PSMD13: variants seen among roughly 807,000 people sequenced by gnomAD.
PSMD13 encodes the protein 26S proteasome non-ATPase regulatory subunit 13.
PSMD13 carries 8 observed loss-of-function variants against 57.4 expected under a neutral mutation model. The ratio of observed to expected loss-of-function variants is 0.14; its 90% CI spans 0.08 to 0.25. The LOEUF (loss-of-function observed/expected upper bound fraction) is 0.25, where lower values mean the gene tolerates loss of function less well. Ranked by LOEUF, PSMD13 falls within the 10% of genes least tolerant of loss-of-function variation. The probability of loss-of-function intolerance (pLI) is 1.00; values close to 1 mark genes in which losing one functional copy is unlikely to be tolerated. For missense variants in PSMD13, 400 were observed against 461.5 expected (o/e 0.87, Z 1.22); for synonymous variants, 193 against 168.2 (o/e 1.15, Z -1.14).
Position 246,160 on chromosome 11 carries a change from C to T in PSMD13, c.397-1117C>T, listed in dbSNP as rs151020159. ...TAACCAATGTGCTGTTACTCCTATACGGTATTTCATTGTATAAGTGTTTCA... is the reference window on the plus strand; with the variant it reads ...TAACCAATGTGCTGTTACTCCTATATGGTATTTCATTGTATAAGTGTTTCA... On this transcript the variant is annotated intron_variant, in intron 6 of 12. Coordinates refer to ENST00000532097, the MANE Select transcript of PSMD13 (RefSeq NM_002817.4). Among the ~76,000 whole-genome samples the T allele has an allele frequency of 1.7e-4, 26 of 152,260 alleles. No individual in the cohort carries two copies. The East Asian group carries it at 4.2e-3, about 25-fold the overall frequency.
intron 2 of PSMD13, among the ~76,000 whole-genome samples, chr11:240,491 T>C (rs1859491398): frequency 6.6e-6 from 1 of 152,220 alleles, no homozygotes; most frequent in Non-Finnish European, 1.5e-5. Context: ...CTCTGTCCTT[T>C]GGTTTCTTAT....
At chr11:248,889 G>A (rs564082218) in intron 8 of PSMD13, 34 bp downstream of exon 8, 9 of 1,614,180 alleles carry the variant, frequency 5.6e-6, no homozygotes, top group African/African-American at 5.3e-5. Context: ...TCCTTAACGA[G>A]AGAGACTAAA....
Position 237,041 on chromosome 11 carries a change from C to G in PSMD13, c.-9C>G, listed in dbSNP as rs759634826. The G allele has an allele frequency of 1.2e-6, 2 of 1,610,542 alleles. No homozygotes were observed. The highest frequency in any genetic ancestry group is 2.2e-5 in the South Asian group (2 of 90,948). On this transcript the variant is annotated 5_prime_UTR_variant, in exon 1 of 13. Coordinates refer to ENST00000532097, the MANE Select transcript of PSMD13 (RefSeq NM_002817.4). ...GTTGTTCTTCTGTGCCGGGGGTCTT[C>G]CTGCTGTCATGAAGGACGTACCGGG...
At position 237,001 on chromosome 11, in the gene PSMD13, G is replaced by A. The variant is rs763747389; in HGVS notation, c.-49G>A. 5 of 1,488,502 alleles carry A rather than the reference G, an allele frequency of 3.4e-6. No individual in the cohort carries two copies. In the African/African-American group the frequency reaches 5.5e-5, roughly 17 times the overall value. The allele number at this position is 1,488,502 out of a possible 1,614,324, so 92.2% of individuals were successfully genotyped here. A position where few individuals can be genotyped will look rare whatever the true frequency, so the allele number is the denominator to read the frequency against. The stretch of plus-strand genomic sequence containing the variant: ...GAGCATTTCCGGCAGCCATCCCCGC[G>A]GTGCTGACATCCCGGTTGTTCTTCT... On this transcript the variant is annotated 5_prime_UTR_variant, in exon 1 of 13. Transcript: ENST00000532097.
At chr11:243,019 CT>C (rs1346028263) in intron 2 of PSMD13, 9 of 9,638 alleles carry the variant, frequency 9.3e-4, no homozygotes, top group Non-Finnish European at 1.4e-3. Context: ...TGGTTCCAAT[CT>C]CTTGACCTCA....
rs947657304 is a variant in PSMD13 at position 252,243 on chromosome 11, T to C, written c.1036-262T>C. The C allele has an allele frequency of 1.9e-6, 1 of 520,322 alleles. No individual in the cohort carries two copies. Among genetic ancestry groups the C allele is most frequent in the Non-Finnish European group, 3.5e-6 (1 of 288,050 alleles). The allele number at this position is 520,322 out of a possible 1,614,324, so 32.2% of individuals were successfully genotyped here. A position where few individuals can be genotyped will look rare whatever the true frequency, so the allele number is the denominator to read the frequency against. The stretch of plus-strand genomic sequence containing the variant: ...TCTGTGATTTGAGCTCACGTCGCTC[T>C]TACATTTGCTGGAAATGCGATCCTG... On this transcript the variant is annotated intron_variant, in intron 12 of 12. Transcript: ENST00000532097. This position sits in a 1 kb window ranked among gnomAD's most constrained non-coding sequence, Gnocchi z 4.1.
intron 6 of PSMD13, 129 bp downstream of exon 6, chr11:244,890 A>G: frequency 1.3e-6 from 1 of 760,670 alleles, no homozygotes; most frequent in Non-Finnish European, 2.0e-6. Context: ...AGTTGCAAAA[A>G]TAACACAAAG....
At chr11:241,124 C>G (rs12225799) in intron 2 of PSMD13, among the ~76,000 whole-genome samples, 7,678 of 150,380 alleles carry the variant, frequency 0.051, 245 homozygotes, top group East Asian at 0.15. Context: ...GAACCACCAC[C>G]TGGCCACCAT....
chr11:244,617 C>G lies in PSMD13; in HGVS notation c.310-58C>G, dbSNP rs892477890. 4 of 1,552,470 alleles carry G rather than the reference C, an allele frequency of 2.6e-6. No homozygotes were observed. In the African/African-American group the frequency reaches 4.1e-5, roughly 16 times the overall value. ...AGTTAATGTACAAGTAGCTAGCTTC[C>G]TTTGTTAGTCAACTGCCCACATTCT... On this transcript the variant is annotated intron_variant, in intron 5 of 12. Transcript: ENST00000532097.
In PSMD13 at chr11:251,188, C is replaced by T. The variant is rs967875232; in HGVS notation, c.837+323C>T. ...CATTGCATGTCGCTTCTTGTGTACA[C>T]GCACATCTGTCTTTCCCCACTAGAA... is the stretch of plus-strand genomic sequence containing the variant. On this transcript the variant is annotated intron_variant, in intron 10 of 12. Transcript: ENST00000532097. This position sits in a 1 kb window ranked among gnomAD's most constrained non-coding sequence, Gnocchi z 4.6. The T allele has an allele frequency of 6.6e-6, 3 of 452,160 alleles. No individual in the cohort carries two copies. Among genetic ancestry groups the T allele is most frequent in the East Asian group, 4.1e-5 (1 of 24,518 alleles). 28.0% of individuals were successfully genotyped at this position (452,160 alleles called of 1,614,324 possible). A position where few individuals can be genotyped will look rare whatever the true frequency, so the allele number is the denominator to read the frequency against.
At chr11:245,363 C>T (rs559381420) in intron 6 of PSMD13, among the ~76,000 whole-genome samples, 1 of 152,162 alleles carries the variant, frequency 6.6e-6, no homozygotes, top group South Asian at 2.1e-4. Flanking sequence ...AGAGCACTCC[C>T]CTGTGTGACC....
At chr11:243,709 C>A (rs572854945) in intron 2 of PSMD13, among the ~76,000 whole-genome samples, 63 of 152,184 alleles carry the variant, frequency 4.1e-4, no homozygotes, top group Non-Finnish European at 7.6e-4. Flanking sequence ...GCGTTTCAAT[C>A]TGATAGTCTA....
At chr11:248,117 G>GATC (rs1254619854) in intron 7 of PSMD13, 1 of 146,156 alleles carries the variant, frequency 6.8e-6, no homozygotes, top group Non-Finnish European at 1.5e-5. Context: ...CCCTGTAGCT[G>GATC]AGACCCTTGT....
Position 252,466 on chromosome 11 carries a change from C to T in PSMD13, c.1036-39C>T, listed in dbSNP as rs772250382. The T allele has an allele frequency of 5.0e-6, 8 of 1,597,726 alleles. No homozygotes were observed. Among genetic ancestry groups the T allele is most frequent in the African/African-American group, 1.3e-5 (1 of 74,548 alleles). On this transcript the variant is annotated intron_variant, in intron 12 of 12. Coordinates refer to ENST00000532097, the MANE Select transcript of PSMD13 (RefSeq NM_002817.4). This position sits in a 1 kb window ranked among gnomAD's most constrained non-coding sequence, Gnocchi z 4.1. ...CCGGCCGCTCGGCCTGTGTCTCCTG[C>T]GTGTCTTAACGTCCCTTGTGTCCGG... is the stretch of plus-strand genomic sequence containing the variant.
intron 6 of PSMD13, 36 bp from the exon 7 acceptor site, chr11:247,241 C>T (rs748541369): frequency 1.6e-5 from 25 of 1,575,310 alleles, no homozygotes; most frequent in Non-Finnish European, 2.0e-5. Flanking sequence ...AAACTTTTAA[C>T]TTAAAAAGAG....
chr11:247,700 G>C (rs150677043), intron 7 of PSMD13: 1 of 299,618 alleles, frequency 3.3e-6, no homozygotes, highest in Non-Finnish European at 6.3e-6. Context: ...AGGTGTGATG[G>C]TGGGTGCCTG....
intron 4 of PSMD13, 91 bp from the exon 5 acceptor site, chr11:244,335 G>T: frequency 6.3e-7 from 1 of 1,577,912 alleles, no homozygotes; most frequent in Non-Finnish European, 8.6e-7. Context: ...ATACTTTATG[G>T]TCAAAACCTA....
rs530117706 is a variant in PSMD13 at position 252,165 on chromosome 11, T to C, written c.1035+229T>C. 4 of 525,564 alleles carry C rather than the reference T, an allele frequency of 7.6e-6. No homozygotes were observed. The East Asian group carries it at 1.3e-4, about 17-fold the overall frequency. 32.6% of individuals were successfully genotyped at this position (525,564 alleles called of 1,614,324 possible). ...ATGATGACAATGGCACTGGTTGTGC[T>C]GACGGTGCCTTTTAATCTTAAGATA... is the stretch of plus-strand genomic sequence containing the variant. On this transcript the variant is annotated intron_variant, in intron 12 of 12. Coordinates refer to ENST00000532097, the MANE Select transcript of PSMD13 (RefSeq NM_002817.4). The surrounding 1 kb of genome is among the most constrained non-coding windows in gnomAD (Gnocchi z 4.1).
At position 251,072 on chromosome 11, in the gene PSMD13, C is replaced by T. The variant is rs1249099340; in HGVS notation, c.837+207C>T. On this transcript the variant is annotated intron_variant, in intron 10 of 12. Transcript: ENST00000532097. This position sits in a 1 kb window ranked among gnomAD's most constrained non-coding sequence, Gnocchi z 4.6. ...TGGCTCTTAGCTCAGACGACACCCTCCCACCCCACTGCCACCACCCTGAGG... is the reference window on the plus strand; with the variant it reads ...TGGCTCTTAGCTCAGACGACACCCTTCCACCCCACTGCCACCACCCTGAGG... 5.3e-6 allele frequency: 3 copies of T among 562,034 alleles called. No homozygotes were observed. The African/African-American group carries it at 5.6e-5, about 11-fold the overall frequency. The allele number at this position is 562,034 out of a possible 1,614,324, so 34.8% of individuals were successfully genotyped here.
Sources: allele counts gnomAD v4.1 joint callset (sites outside exome capture counted in the v4.1 genomes callset), GRCh38; gene constraint gnomAD v4.1.1; non-coding constraint Gnocchi (gnomAD v3.1); transcripts MANE v1.5; gene names NCBI Gene and HGNC (gene_info 2026-07-23, HGNC 2026-07-21).